The following MNAT1 variants were observed in gnomAD, a reference collection of about 807,000 sequenced individuals.
MNAT1 encodes CDK-activating kinase assembly factor MAT1.
Under a neutral mutation model 42.0 loss-of-function variants are expected in MNAT1, and 43 were observed. The observed-to-expected ratio is 1.02, with a 90% confidence interval of 0.80 to 1.32. MNAT1 has a LOEUF of 1.32. Among genes scored for constraint, MNAT1 ranks in the 40% most tolerant of loss-of-function variants. The pLI is 0.00. For synonymous variants in MNAT1, 118 were observed against 120.0 expected (o/e 0.98, Z 0.11); for missense variants, 306 against 350.4 (o/e 0.87, Z 1.01).
At chr14:60,845,362 G>A (rs1191199449) in intron 6 of MNAT1, among the ~76,000 whole-genome samples, 2 of 151,850 alleles carry the variant, frequency 1.3e-5, no homozygotes, top group East Asian at 1.9e-4. Context: ...TTCATCTAAA[G>A]TGTATTTGTT....
chr14:60,895,692 G>A (rs2056060237), intron 7 of MNAT1, among the ~76,000 whole-genome samples: 1 of 152,166 alleles, frequency 6.6e-6, no homozygotes, highest in Admixed American at 6.5e-5. Context: ...AGCACTTTGG[G>A]AGGCTGAGTT....
intron 3 of MNAT1, among the ~76,000 whole-genome samples, chr14:60,804,942 T>G (rs191477703): frequency 6.6e-6 from 1 of 152,330 alleles, no homozygotes; most frequent in Admixed American, 6.5e-5. Context: ...ACAGTGTTTT[T>G]TAAACTGTTT....
chr14:60,937,631 A>G (rs2036030320), intron 7 of MNAT1, among the ~76,000 whole-genome samples: 1 of 152,312 alleles, frequency 6.6e-6, no homozygotes, highest in East Asian at 1.9e-4. Context: ...TGGTTACTGT[A>G]GCCTTGTAAT....
intron 6 of MNAT1, among the ~76,000 whole-genome samples, chr14:60,828,683 A>C (rs2033129701): frequency 6.6e-6 from 1 of 152,128 alleles, no homozygotes; most frequent in African/African-American, 2.4e-5. Flanking sequence ...CCAGTACCAC[A>C]CAACTGCTCC....
chr14:60,781,477 T>G (rs2031458061), intron 1 of MNAT1, among the ~76,000 whole-genome samples: 1 of 152,152 alleles, frequency 6.6e-6, no homozygotes, highest in African/African-American at 2.4e-5. Context: ...AGTTTTAAAT[T>G]TAAAATTGTT....
chr14:60,906,619 C>T (rs539222213), intron 7 of MNAT1, among the ~76,000 whole-genome samples: 3 of 152,250 alleles, frequency 2.0e-5, no homozygotes, highest in East Asian at 3.9e-4. Flanking sequence ...AGGTTTTTAT[C>T]TGAGCAAATG....
intron 7 of MNAT1, among the ~76,000 whole-genome samples, chr14:60,956,523 T>C (rs1197541245): frequency 6.6e-6 from 1 of 152,216 alleles, no homozygotes; most frequent in Non-Finnish European, 1.5e-5. Flanking sequence ...TTATTTTGTC[T>C]GAAGTGTAAT....
intron 7 of MNAT1, among the ~76,000 whole-genome samples, chr14:60,882,004 A>G (rs1243595883): frequency 6.6e-6 from 1 of 152,088 alleles, no homozygotes; most frequent in Non-Finnish European, 1.5e-5. Flanking sequence ...TACTAAAAAT[A>G]CAAAATAATA....
At chr14:60,909,860 G>A (rs1289259710) in intron 7 of MNAT1, among the ~76,000 whole-genome samples, 1 of 151,978 alleles carries the variant, frequency 6.6e-6, no homozygotes, top group Non-Finnish European at 1.5e-5. Flanking sequence ...ATTCTGTGAA[G>A]AAAGTCATTG....
intron 1 of MNAT1, among the ~76,000 whole-genome samples, chr14:60,744,392 A>G (rs2140286364): frequency 6.6e-6 from 1 of 152,202 alleles, no homozygotes; most frequent in Middle Eastern, 3.4e-3. Flanking sequence ...TCGGCCTCCC[A>G]AAGTGCGGGG....
intron 1 of MNAT1, among the ~76,000 whole-genome samples, chr14:60,736,152 A>G (rs1236408096): frequency 1.3e-5 from 2 of 152,240 alleles, no homozygotes; most frequent in African/African-American, 4.8e-5. Flanking sequence ...GAAGTAAGGT[A>G]AAAGTAATCA....
chr14:60,764,940 A>T (rs910457043), intron 1 of MNAT1, among the ~76,000 whole-genome samples: 3 of 152,260 alleles, frequency 2.0e-5, no homozygotes, highest in Admixed American at 6.5e-5. Flanking sequence ...CTCCCAGTTC[A>T]GAAGGTTGTG....
intron 6 of MNAT1, among the ~76,000 whole-genome samples, chr14:60,871,804 G>C (rs578172396): frequency 2.0e-5 from 3 of 151,994 alleles, no homozygotes; most frequent in African/African-American, 7.2e-5. Flanking sequence ...TTTATTTTTA[G>C]TAGAGATGGG....
intron 1 of MNAT1, among the ~76,000 whole-genome samples, chr14:60,737,100 A>C (rs1896328962): frequency 6.6e-6 from 1 of 152,186 alleles, no homozygotes; most frequent in South Asian, 2.1e-4. Flanking sequence ...TTAAAGAAGT[A>C]CTTTAATCTA....
At chr14:60,736,028 T>C (rs1370321915) in intron 1 of MNAT1, among the ~76,000 whole-genome samples, 4 of 152,258 alleles carry the variant, frequency 2.6e-5, no homozygotes, top group Admixed American at 2.6e-4. Flanking sequence ...GCTGTAGCTA[T>C]AATTATTATA....
intron 1 of MNAT1, among the ~76,000 whole-genome samples, chr14:60,775,597 A>G (rs940146353): frequency 3.3e-5 from 5 of 152,220 alleles, no homozygotes; most frequent in South Asian, 2.1e-4. Context: ...TAAAAGTAAA[A>G]TACTTGAGTA....
chr14:60,749,700 C>CA (rs1167226876), intron 1 of MNAT1, among the ~76,000 whole-genome samples: 1 of 152,128 alleles, frequency 6.6e-6, no homozygotes, highest in Non-Finnish European at 1.5e-5. Context: ...AGTCTATGTG[C>CA]AAAAAATATA....
At chr14:60,800,768 C>T (rs776136112) in intron 3 of MNAT1, among the ~76,000 whole-genome samples, 2 of 151,920 alleles carry the variant, frequency 1.3e-5, no homozygotes, top group African/African-American at 2.4e-5. Flanking sequence ...ACTATAAATC[C>T]TCATTGTGTT....
Position 60,887,964 on chromosome 14 carries a change from C to G in MNAT1, c.809+8129C>G, listed in dbSNP as rs560277212. Among the ~76,000 whole-genome samples the G allele has an allele frequency of 1.1e-3, 168 of 149,932 alleles. 4 individuals carry two copies. In the East Asian group the frequency reaches 0.025, roughly 22 times the overall value. On this transcript the variant is annotated intron_variant, in intron 7 of 7. Transcript: ENST00000261245. ...AATTGTGGCAATAATCAATAGCTTA[C>G]CAACCAAAAAGAGTCCAGGACCAGA...
Sources: gnomAD v4.1 joint callset for allele counts (sites outside exome capture counted in the v4.1 genomes callset) on GRCh38, gnomAD v4.1.1 for gene constraint, MANE v1.5 for transcripts, NCBI Gene and HGNC (gene_info 2026-07-23, HGNC 2026-07-21) for gene names.